Variants in ELP2 observed in about 807,000 individuals in gnomAD.
The protein encoded by ELP2 is elongator complex protein 2.
ELP2 carries 90 observed loss-of-function variants against 119.2 expected under a neutral mutation model. The observed-to-expected ratio is 0.75, with a 90% CI of 0.64 to 0.90. The LOEUF (loss-of-function observed/expected upper bound fraction) is 0.90, where lower values mean the gene tolerates loss of function less well. Among genes scored for constraint, ELP2 ranks in the 40% least tolerant of loss-of-function variants. The pLI is 0.00. For synonymous variants in ELP2, 339 were observed against 331.0 expected (o/e 1.02, Z -0.26); for missense variants, 921 against 967.8 (o/e 0.95, Z 0.64).
Position 36,154,957 on chromosome 18 carries a change from A to C in ELP2, c.1233A>C (p.Thr411=), listed in dbSNP as rs763647301. ...EFIITVGTDQ[T]TRLFAPWKRK... Reference sequence around the variant, plus strand: ...TTATCACTGTTGGTACTGATCAGACAACTAGACTTTTTGCTCCATGGAAGA... The same window carrying C: ...TTATCACTGTTGGTACTGATCAGACCACTAGACTTTTTGCTCCATGGAAGA... Residue 411 remains threonine, a synonymous_variant, in exon 12 of 22, where the codon ACA becomes ACC. Coordinates refer to ENST00000358232, the MANE Select transcript of ELP2 (RefSeq NM_018255.4). 1.2e-6 allele frequency: 2 copies of C among 1,614,094 alleles called. No individual in the cohort carries two copies. The highest frequency in any genetic ancestry group is 3.3e-5 in the Admixed American group (2 of 60,028).
In ELP2 at chr18:36,133,244, G is replaced by A. The variant is rs138888523; in HGVS notation, c.145G>A (p.Val49Ile). 82 of 1,611,396 alleles carry A rather than the reference G, an allele frequency of 5.1e-5. No individual in the cohort carries two copies. The highest frequency in any genetic ancestry group is 6.7e-5 in the Non-Finnish European group (79 of 1,177,798). The change falls in exon 2 of 22, where the codon GTT becomes ATT. Residue 49 changes from valine (V) to isoleucine (I), a missense_variant. Physicochemically the swap from Val to Ile is conservative, Grantham distance 29. Coordinates refer to ENST00000358232, the MANE Select transcript of ELP2 (RefSeq NM_018255.4). ...TGTATTTTCTTCTCTAAAGAAAAGG[G>A]TTGTTGTTACCAACTTGAATGGTCA... ...SVVLYDPLKRVVVTNLNGHTA... is the reference protein window; with the variant it reads ...SVVLYDPLKRIVVTNLNGHTA...
At position 36,159,615 on chromosome 18, in the gene ELP2, C is replaced by T; in HGVS notation, c.1535-120C>T. The T allele has an allele frequency of 5.1e-6, 4 of 781,204 alleles. No individual in the cohort carries two copies. The South Asian group carries it at 5.6e-5, about 11-fold the overall frequency. The allele number at this position is 781,204 out of a possible 1,614,324, so 48.4% of individuals were successfully genotyped here. On this transcript the variant is annotated intron_variant, in intron 14 of 21. Transcript: ENST00000358232. ...TCTTGCCTTTGGAATCACATGGACACAGCTGTGAATTGCACCACTTTGAAT... is the reference window on the plus strand; with the variant it reads ...TCTTGCCTTTGGAATCACATGGACATAGCTGTGAATTGCACCACTTTGAAT...
chr18:36,174,854 C>CG lies in ELP2; in HGVS notation c.*213_*214insG. 6.1e-6 allele frequency: 3 copies of CG among 490,162 alleles called. No homozygotes were observed. The highest frequency in any genetic ancestry group is 5.9e-4 in the Middle Eastern group (1 of 1,702). 30.4% of individuals were successfully genotyped at this position (490,162 alleles called of 1,614,324 possible). On this transcript the variant is annotated 3_prime_UTR_variant, in exon 22 of 22. Transcript: ENST00000358232. The stretch of plus-strand genomic sequence containing the variant: ...TGGGACTAGAGGCACACCACCAATT[C>CG]CGGCTAATTTTTGTATTTTTAGTAG...
chr18:36,160,907 T>C, intron 16 of ELP2, 25 bp from the exon 17 acceptor site: 1 of 1,503,002 alleles, frequency 6.7e-7, no homozygotes, highest in Non-Finnish European at 9.3e-7. Flanking sequence ...TTGCTAATAG[T>C]ACTTTTTTTC....
intron 14 of ELP2, among the ~76,000 whole-genome samples, chr18:36,159,114 C>CTTT (rs5823998): frequency 4.3e-5 from 6 of 138,552 alleles, no homozygotes; most frequent in African/African-American, 1.3e-4. Flanking sequence ...TGTTTTTTCC[C>CTTT]TTTTTTTTTT....
intron 4 of ELP2, 63 bp downstream of exon 4, chr18:36,138,489 A>G (rs1465161332): frequency 6.6e-7 from 1 of 1,505,838 alleles, no homozygotes; most frequent in Non-Finnish European, 9.2e-7. Context: ...AATGACGAGT[A>G]GAAGAGCATA....
chr18:36,178,463 A>G lies in ELP2; in HGVS notation c.*3822A>G, dbSNP rs2091270420. 6.6e-6 allele frequency: 1 copy of G among 152,242 alleles called. No individual in the cohort carries two copies. Among genetic ancestry groups the G allele is most frequent in the Non-Finnish European group, 1.5e-5 (1 of 68,046 alleles). The allele number at this position is 152,242 out of a possible 1,614,324, so 9.4% of individuals were successfully genotyped here. The stretch of plus-strand genomic sequence containing the variant: ...AAAGATACTTGAGACGTGTGAATCC[A>G]GTGCAATGTATGAACCTTGTTTGCC... On this transcript the variant is annotated 3_prime_UTR_variant, in exon 22 of 22. Transcript: ENST00000358232.
At chr18:36,160,784 A>G (rs1034751169) in intron 16 of ELP2, 148 bp from the exon 17 acceptor site, 4 of 621,896 alleles carry the variant, frequency 6.4e-6, no homozygotes, top group East Asian at 2.8e-5. Context: ...CTTTCTCTCA[A>G]ATGTTTGCCT....
chr18:36,135,199 C>T (rs2089782605), intron 2 of ELP2, among the ~76,000 whole-genome samples: 2 of 152,298 alleles, frequency 1.3e-5, no homozygotes, highest in South Asian at 2.1e-4. Context: ...AGTGAGGTTA[C>T]ATAAAATGGA....
At chr18:36,161,179 T>G (rs1486070300) in intron 17 of ELP2, among the ~76,000 whole-genome samples, 175 bp downstream of exon 17, 1 of 152,178 alleles carries the variant, frequency 6.6e-6, no homozygotes, top group Non-Finnish European at 1.5e-5. Flanking sequence ...AGCTTATGGT[T>G]TCATTTTAAG....
chr18:36,134,516 C>T (rs1181581881), intron 2 of ELP2, among the ~76,000 whole-genome samples: 2 of 152,140 alleles, frequency 1.3e-5, no homozygotes, highest in South Asian at 2.1e-4. Flanking sequence ...TATATATGTT[C>T]ACACATCATA....
chr18:36,131,546 C>T (rs2089628174), intron 1 of ELP2, among the ~76,000 whole-genome samples: 1 of 152,216 alleles, frequency 6.6e-6, no homozygotes, highest in Non-Finnish European at 1.5e-5. Context: ...CCCGGGAGAG[C>T]CAGGGTGACA....
chr18:36,169,976 T>C (rs767672262), intron 19 of ELP2, 87 bp from the exon 20 acceptor site: 78 of 1,542,228 alleles, frequency 5.1e-5, no homozygotes, highest in East Asian at 2.2e-5. Context: ...GCAAATACTT[T>C]GTTTTATCTT....
chr18:36,164,116 T>C (rs1306155092), intron 17 of ELP2, among the ~76,000 whole-genome samples: 3 of 152,198 alleles, frequency 2.0e-5, no homozygotes, highest in Non-Finnish European at 2.9e-5. Context: ...TATTTTGGGA[T>C]AATTTTCATT....
At chr18:36,152,883 A>G (rs2090446926) in intron 11 of ELP2, among the ~76,000 whole-genome samples, 1 of 152,256 alleles carries the variant, frequency 6.6e-6, no homozygotes, top group Non-Finnish European at 1.5e-5. Flanking sequence ...ACCAGTCTAT[A>G]AGATGGAACA....
At position 36,164,574 on chromosome 18, in the gene ELP2, G is replaced by A; in HGVS notation, c.1861G>A (p.Ala621Thr). The change falls in exon 18 of 22, where the codon GCC (alanine) becomes ACC (threonine). Residue 621 changes from alanine to threonine, a missense_variant. Physicochemically the swap from Ala to Thr is moderately conservative, Grantham distance 58. Transcript: ENST00000358232. The part of the protein sequence containing the change: ...VFHSLTVTQM[A>T]FSPNEKFLLA... ...CCACAGTTTGACAGTCACGCAGATGGCCTTCTCACCTAATGAGAAGTTCTT... is the reference window on the plus strand; with the variant it reads ...CCACAGTTTGACAGTCACGCAGATGACCTTCTCACCTAATGAGAAGTTCTT... The A allele has an allele frequency of 6.2e-7, 1 of 1,613,980 alleles. No homozygotes were observed.
rs17563617 is a variant in ELP2, at chr18:36,159,827, A to C, written c.1627A>C (p.Thr543Pro). 1,212 of 1,613,416 alleles carry C rather than the reference A, an allele frequency of 7.5e-4. 10 individuals carry two copies. In the African/African-American group the frequency reaches 0.013, roughly 18 times the overall value. Reference protein sequence around the residue: ...QQVAFQPSILTEPPTEDHLLQ... With the variant: ...QQVAFQPSILPEPPTEDHLLQ... The stretch of plus-strand genomic sequence containing the variant: ...GGTGGCCTTTCAGCCCTCCATACTT[A>C]CTGGTAAGATGTGACAAAGACAATT... Residue 543 changes from threonine to proline, a missense_variant, in exon 15 of 22, where the codon ACT becomes CCT. Transcript: ENST00000358232.
chr18:36,167,116 T>C lies in ELP2; in HGVS notation c.1970T>C (p.Leu657Pro), dbSNP rs760454804. The C allele has an allele frequency of 1.3e-6, 2 of 1,598,852 alleles. No homozygotes were observed. The highest frequency in any genetic ancestry group is 2.3e-5 in the South Asian group (2 of 86,838). The change falls in exon 19 of 22, where the codon CTT becomes CCT. Residue 657 changes from leucine (L) to proline (P), a missense_variant. By Grantham distance (98) the Leu-to-Pro change is moderately conservative (BLOSUM62 -3). Coordinates refer to ENST00000358232, the MANE Select transcript of ELP2 (RefSeq NM_018255.4). The stretch of plus-strand genomic sequence containing the variant: ...TTTCTTTCAGAGCCAGTTTTTAGTC[T>C]TTTTGCCTTCACCAACAAAATTACT... ...ISPEFEPVFS[L>P]FAFTNKITSV...
At chr18:36,131,754 A>G (rs2089638968) in intron 1 of ELP2, among the ~76,000 whole-genome samples, 1 of 152,190 alleles carries the variant, frequency 6.6e-6, no homozygotes, top group African/African-American at 2.4e-5. Flanking sequence ...CTGAAATGAA[A>G]TTCTGATTCA....
Sources: allele counts gnomAD v4.1 joint callset (sites outside exome capture counted in the v4.1 genomes callset), GRCh38; gene constraint gnomAD v4.1.1; transcripts MANE v1.5; gene names NCBI Gene and HGNC (gene_info 2026-07-23, HGNC 2026-07-21).